Variants in SLC24A2 observed in about 807,000 individuals in gnomAD.
SLC24A2 encodes sodium/potassium/calcium exchanger 2.
Under a neutral mutation model 62.0 loss-of-function variants are expected in SLC24A2, and 36 were observed. That is an observed-to-expected ratio of 0.58 (90% confidence interval 0.44 to 0.77). SLC24A2 has a LOEUF of 0.77. Among genes scored for constraint, SLC24A2 ranks in the 30% least tolerant of loss-of-function variants. The pLI is 0.00. For synonymous variants in SLC24A2, 358 were observed against 294.0 expected (o/e 1.22, Z -2.23); for missense variants, 846 against 817.9 (o/e 1.03, Z -0.42).
the SLC24A2 span, among the ~76,000 whole-genome samples, chr9:20,150,341 C>G: frequency 6.6e-6 from 1 of 152,032 alleles, no homozygotes; most frequent in Middle Eastern, 3.4e-3. Flanking sequence ...ACTTGGCCAA[C>G]TGAAAATAGG....
At chr9:19,868,590 T>A in the SLC24A2 span, among the ~76,000 whole-genome samples, 3 of 152,224 alleles carry the variant, frequency 2.0e-5, no homozygotes, top group Admixed American at 6.5e-5. Flanking sequence ...ATATTATTTT[T>A]GTCTATTTCT....
At chr9:19,720,171 A>G (rs1043666362) in intron 2 of SLC24A2, among the ~76,000 whole-genome samples, 5 of 152,218 alleles carry the variant, frequency 3.3e-5, no homozygotes, top group African/African-American at 1.2e-4. Flanking sequence ...AAATGTAGGT[A>G]ACCCTTTCTT....
the SLC24A2 span, among the ~76,000 whole-genome samples, chr9:20,156,437 A>C: frequency 6.6e-6 from 1 of 151,634 alleles, no homozygotes; most frequent in East Asian, 1.9e-4. Flanking sequence ...AATTCCTTTC[A>C]GCTCCATTTC....
chr9:20,068,100 G>T, the SLC24A2 span, among the ~76,000 whole-genome samples: 1 of 121,648 alleles, frequency 8.2e-6, no homozygotes, highest in East Asian at 2.3e-4. Flanking sequence ...GTCTCGCTCT[G>T]TCACCCAGGC....
chr9:20,080,168 A>G, the SLC24A2 span, among the ~76,000 whole-genome samples: 3 of 152,360 alleles, frequency 2.0e-5, no homozygotes, highest in Admixed American at 6.5e-5. Context: ...TGCATTGCCA[A>G]GTCAATCCTA....
the SLC24A2 span, chr9:19,929,583 C>G: frequency 3.9e-5 from 6 of 152,138 alleles, no homozygotes; most frequent in African/African-American, 1.4e-4. Flanking sequence ...ACATACAGTA[C>G]GTAATACTTG....
the SLC24A2 span, among the ~76,000 whole-genome samples, chr9:20,229,724 CTTTT>C: frequency 1.3e-5 from 2 of 151,016 alleles, no homozygotes; most frequent in African/African-American, 2.4e-5. Flanking sequence ...TTTTCTATTT[CTTTT>C]TTTTTAATTT....
chr9:19,668,738 A>G (rs1434428017), intron 2 of SLC24A2, among the ~76,000 whole-genome samples: 1 of 152,152 alleles, frequency 6.6e-6, no homozygotes, highest in Non-Finnish European at 1.5e-5. Context: ...CAGATACACA[A>G]CCCTGAACCT....
chr9:20,126,687 A>G, the SLC24A2 span, among the ~76,000 whole-genome samples: 1 of 152,204 alleles, frequency 6.6e-6, no homozygotes, highest in Non-Finnish European at 1.5e-5. Context: ...AATTTTGCTC[A>G]TCCACCACTG....
At chr9:20,060,451 C>G in the SLC24A2 span, among the ~76,000 whole-genome samples, 6,608 of 152,122 alleles carry the variant, frequency 0.043, 169 homozygotes, top group South Asian at 0.079. Context: ...TTATTATTAA[C>G]ACCAAGTGGG....
chr9:20,273,247 C>T, the SLC24A2 span, among the ~76,000 whole-genome samples: 1 of 152,122 alleles, frequency 6.6e-6, no homozygotes, highest in Non-Finnish European at 1.5e-5. Flanking sequence ...TGTGTGAAAG[C>T]TAGCCATAAA....
the SLC24A2 span, among the ~76,000 whole-genome samples, chr9:20,201,756 G>C: frequency 6.6e-6 from 1 of 152,038 alleles, no homozygotes; most frequent in Non-Finnish European, 1.5e-5. Context: ...TTAGAGAGAG[G>C]AGAAAAGTAA....
At chr9:19,767,127 G>A (rs559492959) in intron 2 of SLC24A2, among the ~76,000 whole-genome samples, 7 of 152,100 alleles carry the variant, frequency 4.6e-5, no homozygotes, top group South Asian at 2.1e-4. Flanking sequence ...CCTTAGTCAC[G>A]GCAGGCACCC....
At chr9:20,016,004 T>C in the SLC24A2 span, among the ~76,000 whole-genome samples, 1 of 152,250 alleles carries the variant, frequency 6.6e-6, no homozygotes, top group African/African-American at 2.4e-5. Context: ...TGCATGAACA[T>C]GTTCACAAGT....
chr9:19,850,972 T>C, the SLC24A2 span, among the ~76,000 whole-genome samples: 92 of 47,826 alleles, frequency 1.9e-3, 1 homozygote, highest in African/African-American at 7.2e-3. Context: ...TATATGTATA[T>C]ATATATATAT....
the SLC24A2 span, among the ~76,000 whole-genome samples, chr9:19,960,506 G>A: frequency 2.0e-5 from 3 of 152,192 alleles, no homozygotes; most frequent in Admixed American, 1.3e-4. Flanking sequence ...GGAACCTTGG[G>A]CTGCTATTGT....
chr9:19,680,526 G>C (rs969791587), intron 2 of SLC24A2, among the ~76,000 whole-genome samples: 1 of 123,218 alleles, frequency 8.1e-6, no homozygotes, highest in Admixed American at 8.9e-5. Context: ...TACAACTTTC[G>C]CTCATTAAAA....
chr9:19,525,932 C>T (rs1369238298), intron 9 of SLC24A2, among the ~76,000 whole-genome samples: 1 of 152,038 alleles, frequency 6.6e-6, no homozygotes, highest in African/African-American at 2.4e-5. Context: ...GTGCAGCCTT[C>T]ATAATTTAGG....
At chr9:20,251,378 C>T in the SLC24A2 span, among the ~76,000 whole-genome samples, 18 of 146,674 alleles carry the variant, frequency 1.2e-4, no homozygotes, top group South Asian at 1.4e-3. Flanking sequence ...ACATTTCAAA[C>T]GAGTAAACTC....
Sources: allele counts gnomAD v4.1 joint callset (sites outside exome capture counted in the v4.1 genomes callset), GRCh38; gene constraint gnomAD v4.1.1; transcripts MANE v1.5; gene names NCBI Gene and HGNC (gene_info 2026-07-23, HGNC 2026-07-21).